Variants in PLCB2 observed in about 807,000 individuals in gnomAD.
PLCB2 encodes 1-phosphatidylinositol 4,5-bisphosphate phosphodiesterase beta-2.
In PLCB2, 115 loss-of-function variants were observed where a neutral mutation model predicts 141.7. The observed-to-expected ratio is 0.81, with a 90% confidence interval of 0.70 to 0.95. The LOEUF is 0.95. PLCB2 is among the 40% of genes least tolerant of loss of function. The pLI is 0.00. For missense variants in PLCB2, 1,403 were observed against 1,541.1 expected (o/e 0.91, Z 1.50); for synonymous variants, 603 against 595.6 (o/e 1.01, Z -0.18).
At chr15:40,290,220 A>G (rs2039813774) in intron 29 of PLCB2, 138 bp from the exon 30 acceptor site, 1 of 689,238 alleles carries the variant, frequency 1.5e-6, no homozygotes, top group Non-Finnish European at 2.7e-6. Flanking sequence ...GTGGGGACCC[A>G]AGGAGTATGT....
Position 40,303,785 on chromosome 15 carries a change from C to T in PLCB2, c.162+216G>A, listed in dbSNP as rs1036069756. 4 of 543,608 alleles carry T rather than the reference C, an allele frequency of 7.4e-6. No homozygotes were observed. In the African/African-American group the frequency reaches 7.5e-5, roughly 10 times the overall value. The allele number at this position is 543,608 out of a possible 1,614,324, so 33.7% of individuals were successfully genotyped here. ...TGTCTCTCTCTCTCCCCAAGGGATG[C>T]TAAGGATGGAACATTTGGGTAGCCA... On this transcript the variant is annotated intron_variant, in intron 2 of 31. Coordinates refer to ENST00000260402, the MANE Select transcript of PLCB2 (RefSeq NM_004573.3).
At chr15:40,295,896 C>T (rs1447256481) in intron 16 of PLCB2, among the ~76,000 whole-genome samples, 1 of 152,136 alleles carries the variant, frequency 6.6e-6, no homozygotes, top group African/African-American at 2.4e-5. Flanking sequence ...CCGGGCTGTC[C>T]ATGAAAGGGG....
chr15:40,302,947 T>G (rs772298791), intron 3 of PLCB2, among the ~76,000 whole-genome samples: 81 of 152,122 alleles, frequency 5.3e-4, no homozygotes, highest in Non-Finnish European at 1.0e-3. Flanking sequence ...CCTCCAATTT[T>G]CCTACCAGCA....
At chr15:40,287,760 G>A, downstream of PLCB2, 1 of 174,462 alleles carries the variant, frequency 5.7e-6, no homozygotes, top group Non-Finnish European at 1.1e-5. Context: ...CCAGAGGCAG[G>A]GCCATTTCAC....
intron 1 of PLCB2, among the ~76,000 whole-genome samples, chr15:40,304,888 A>C (rs1157152520): frequency 6.6e-6 from 1 of 152,258 alleles, no homozygotes; most frequent in Non-Finnish European, 1.5e-5. Flanking sequence ...TTGTATGTGT[A>C]CATAACAAGA....
At chr15:40,287,603 C>T (rs1209936710), downstream of PLCB2, among the ~76,000 whole-genome samples, 1 of 152,158 alleles carries the variant, frequency 6.6e-6, no homozygotes, top group Non-Finnish European at 1.5e-5. Context: ...AAATAGGGGA[C>T]ATCTTTGCAC....
At chr15:40,291,547 A>G in intron 25 of PLCB2, 59 bp downstream of exon 25, 1 of 1,608,746 alleles carries the variant, frequency 6.2e-7, no homozygotes, top group Non-Finnish European at 8.5e-7. Flanking sequence ...CCAACCCCCA[A>G]GGAGCCCCGG....
At position 40,291,060 on chromosome 15, in the gene PLCB2, C is replaced by A; in HGVS notation, c.2994G>T (p.Gln998His). ...ELELLRQGEEQYECVLKRKEQ... is the reference protein window; with the variant it reads ...ELELLRQGEEHYECVLKRKEQ... ...CCTTGCGCTTCAGAACGCACTCGTA[C>A]TGCTCCTCGCCCTGCCGCAGCAGCT... The change falls in exon 27 of 32, where the codon CAG becomes CAT. Residue 998 changes from glutamine to histidine, a missense_variant. Transcript: ENST00000260402. 2 of 1,592,212 alleles carry A rather than the reference C, an allele frequency of 1.3e-6. No homozygotes were observed. Among genetic ancestry groups the A allele is most frequent in the South Asian group, 2.2e-5 (2 of 89,960 alleles).
Position 40,295,054 on chromosome 15 carries a change from G to A in PLCB2, c.1788C>T (p.Asn596=). The change falls in exon 18 of 32, where the codon AAC becomes AAT. Residue 596 remains asparagine (N), a synonymous_variant. Coordinates refer to ENST00000260402, the MANE Select transcript of PLCB2 (RefSeq NM_004573.3). ...GGTAAATGCGGCTCATCTGGCGCTT[G>A]TTGTAGCTGTCCCTGAGTTTAGGAC... The part of the protein sequence containing the change: ...SKASVQFVDY[N]KRQMSRIYPK... 3 of 1,612,654 alleles carry A rather than the reference G, an allele frequency of 1.9e-6. No individual in the cohort carries two copies. The highest frequency in any genetic ancestry group is 2.5e-6 in the Non-Finnish European group (3 of 1,178,862).
At position 40,296,652 on chromosome 15, in the gene PLCB2, G is replaced by A. The variant is rs1353372150; in HGVS notation, c.1487-18C>T. ...AGCCCACACTGCCACATACAGCTCT[G>A]TCGGCACTGGCTCCTGCATGGCTCC... On this transcript the variant is annotated intron_variant, in intron 14 of 31. Coordinates refer to ENST00000260402, the MANE Select transcript of PLCB2 (RefSeq NM_004573.3). 5 of 1,612,452 alleles carry A rather than the reference G, an allele frequency of 3.1e-6. No individual in the cohort carries two copies. The Admixed American group carries it at 6.7e-5, about 22-fold the overall frequency.
Position 40,289,310 on chromosome 15 carries a change from C to G in PLCB2, c.3316G>C (p.Ala1106Pro), listed in dbSNP as rs751284139. 3 of 1,614,136 alleles carry G rather than the reference C, an allele frequency of 1.9e-6. No homozygotes were observed. The East Asian group carries it at 6.7e-5, about 36-fold the overall frequency. Residue 1106 changes from alanine to proline, a missense_variant, in exon 31 of 32, where the codon GCG becomes CCG. Ala to Pro is a conservative substitution (Grantham distance 27). Around this residue, in one of 4 missense-constraint regions of PLCB2, gnomAD observed 132 missense variants for 132.4 expected, o/e 1.00. Transcript: ENST00000260402. ...TCCCGTATCTGTTCCAGGCAAGCCG[C>G]CTGCTTCTCCTCCAGCTTCTCCTGG... ...RHQEKLEEKQ[A>P]ACLEQIREME...
chr15:40,286,412 G>A (rs192500597), downstream of PLCB2, among the ~76,000 whole-genome samples: 738 of 152,280 alleles, frequency 4.8e-3, 3 homozygotes, highest in Admixed American at 0.01. Context: ...ACGCTGTCAC[G>A]TTGCACCAGC....
intron 19 of PLCB2, among the ~76,000 whole-genome samples, chr15:40,294,022 C>T (rs1179021881): frequency 6.6e-6 from 1 of 152,232 alleles, no homozygotes; most frequent in Non-Finnish European, 1.5e-5. Context: ...ACTCTGCCCA[C>T]TCTTCCTCCC....
intron 1 of PLCB2, among the ~76,000 whole-genome samples, chr15:40,305,925 G>A (rs2040771737): frequency 6.6e-6 from 1 of 152,228 alleles, no homozygotes; most frequent in South Asian, 2.1e-4. Flanking sequence ...CCTAGAAGGA[G>A]AAGGGTAGAA....
At chr15:40,298,092 C>A in intron 11 of PLCB2, 131 bp downstream of exon 11, 1 of 1,201,672 alleles carries the variant, frequency 8.3e-7, no homozygotes, top group Non-Finnish European at 1.2e-6. Flanking sequence ...CCAATCCCTG[C>A]TGGTCCCCAA....
chr15:40,293,931 G>A (rs898403442), intron 19 of PLCB2, among the ~76,000 whole-genome samples: 4 of 152,210 alleles, frequency 2.6e-5, no homozygotes, highest in Non-Finnish European at 4.4e-5. Context: ...AGCATGAAGG[G>A]AAGAGGTGGG....
chr15:40,286,403 C>T (rs938816754), downstream of PLCB2, among the ~76,000 whole-genome samples: 2 of 152,230 alleles, frequency 1.3e-5, no homozygotes, highest in Admixed American at 6.5e-5. Context: ...AGCCCCCTCA[C>T]GCTGTCACGT....
chr15:40,302,298 C>T lies in PLCB2; in HGVS notation c.424G>A (p.Ala142Thr), dbSNP rs753553077. 6.8e-6 allele frequency: 11 copies of T among 1,614,138 alleles called. No homozygotes were observed. Among genetic ancestry groups the T allele is most frequent in the Middle Eastern group, 3.3e-4 (2 of 6,062 alleles). Residue 142 changes from alanine (A) to threonine (T), a missense_variant, in exon 5 of 32, where the codon GCC becomes ACC. This residue lies in a region of PLCB2 where 975 missense variants were observed against 1,141.1 expected (regional missense o/e 0.85). Coordinates refer to ENST00000260402, the MANE Select transcript of PLCB2 (RefSeq NM_004573.3). ...TTGTCCAGGAAGGTGCTGCGGGAGG[C>T]GTTGGCCGTCAGCGGATGTTTGACT... ...ALVKHPLTANASRSTFLDKIL... is the reference protein window; with the variant it reads ...ALVKHPLTANTSRSTFLDKIL...
chr15:40,298,015 G>T (rs924126595), intron 11 of PLCB2, 56 bp from the exon 12 acceptor site: 5 of 1,352,116 alleles, frequency 3.7e-6, no homozygotes, highest in Non-Finnish European at 5.3e-6. Flanking sequence ...TGCCTGTCTC[G>T]TGATAGCACT....
Sources: allele counts gnomAD v4.1 joint callset (sites outside exome capture counted in the v4.1 genomes callset), GRCh38; gene constraint gnomAD v4.1.1; regional missense constraint gnomAD v4.1.1; transcripts MANE v1.5; gene names NCBI Gene and HGNC (gene_info 2026-07-23, HGNC 2026-07-21).